Variants in KANSL1L observed in about 807,000 individuals in gnomAD.
The protein encoded by KANSL1L is KAT8 regulatory NSL complex subunit 1 like.
In KANSL1L, 25 loss-of-function variants were observed where a neutral mutation model predicts 108.6. The observed-to-expected ratio is 0.23, with a 90% CI of 0.17 to 0.32. KANSL1L has a LOEUF of 0.32. Ranked by LOEUF, KANSL1L falls within the 10% of genes least tolerant of loss-of-function variation. The probability of loss-of-function intolerance (pLI) is 1.00; values close to 1 mark genes in which losing one functional copy is unlikely to be tolerated. For missense variants in KANSL1L, 1,137 were observed against 1,125.7 expected (o/e 1.01, Z -0.14); for synonymous variants, 405 against 395.1 (o/e 1.03, Z -0.30).
At chr2:210,091,922 GA>G (rs1208576588) in intron 5 of KANSL1L, among the ~76,000 whole-genome samples, 1 of 152,070 alleles carries the variant, frequency 6.6e-6, no homozygotes, top group Non-Finnish European at 1.5e-5. Context: ...CTTGAAAGAT[GA>G]TTTCTCTGTG....
At chr2:210,085,983 C>G in intron 5 of KANSL1L, among the ~76,000 whole-genome samples, 1 of 151,114 alleles carries the variant, frequency 6.6e-6, no homozygotes. Flanking sequence ...CTGAAAACAT[C>G]AACTTAGAAT....
chr2:210,067,498 G>C (rs906591440), intron 6 of KANSL1L, among the ~76,000 whole-genome samples: 1 of 151,902 alleles, frequency 6.6e-6, no homozygotes, highest in African/African-American at 2.4e-5. Context: ...AGAAGTTTGA[G>C]ACCAGCCTGG....
intron 5 of KANSL1L, among the ~76,000 whole-genome samples, chr2:210,087,213 T>A (rs2094646397): frequency 1.3e-5 from 2 of 152,012 alleles, no homozygotes; most frequent in Non-Finnish European, 2.9e-5. Context: ...TTTGTAGACA[T>A]GGAGTCTTCC....
At position 210,044,627 on chromosome 2, in the gene KANSL1L, T is replaced by C. The variant is rs1322569828; in HGVS notation, c.1756-523A>G. Among the ~76,000 whole-genome samples, 1 of 152,002 alleles carries C rather than the reference T, an allele frequency of 6.6e-6. No homozygotes were observed. The highest frequency in any genetic ancestry group is 1.5e-5 in the Non-Finnish European group (1 of 67,980). The stretch of plus-strand genomic sequence containing the variant: ...GGGGGTATGGTTCTTTATCAGAATA[T>C]ATTCCTAGCTTGCCAAAAGAACTTG... On this transcript the variant is annotated intron_variant, in intron 6 of 14. Transcript: ENST00000281772. This position sits in a 1 kb window ranked among gnomAD's most constrained non-coding sequence, Gnocchi z 4.2.
At chr2:210,079,698 GTGTATA>G (rs2094574077) in intron 5 of KANSL1L, 2 of 22,202 alleles carry the variant, frequency 9.0e-5, no homozygotes, top group African/African-American at 1.2e-4. Flanking sequence ...ATATGTATGT[GTGTATA>G]TATATATATA....
chr2:210,084,212 A>C (rs1022336484), intron 5 of KANSL1L, among the ~76,000 whole-genome samples: 2 of 152,134 alleles, frequency 1.3e-5, no homozygotes, highest in African/African-American at 4.8e-5. Flanking sequence ...GCCTGAGGTC[A>C]GGAGTTCGAG....
chr2:210,103,181 G>A (rs1416598348), intron 4 of KANSL1L, among the ~76,000 whole-genome samples: 1 of 152,142 alleles, frequency 6.6e-6, no homozygotes, highest in African/African-American at 2.4e-5. Context: ...CATGGATGAA[G>A]CTGGTAACCA....
rs1248277075 is a variant in KANSL1L, at chr2:210,154,304, A to G, written c.279T>C (p.Asn93=). The change falls in exon 2 of 15, where the codon AAT becomes AAC. Residue 93 remains asparagine (N), a synonymous_variant. Transcript: ENST00000281772. ...CTAATTTCTTTTGTTTATAATTCTCATTGTGTTTATTTAATGTAGAATTAG... is the reference window on the plus strand; with the variant it reads ...CTAATTTCTTTTGTTTATAATTCTCGTTGTGTTTATTTAATGTAGAATTAG... ...MRSNSTLNKH[N]ENYKQKKLGE... is the part of the protein sequence containing the mutation. 3 of 1,612,682 alleles carry G rather than the reference A, an allele frequency of 1.9e-6. No homozygotes were observed. In the African/African-American group the frequency reaches 4.0e-5, roughly 22 times the overall value.
intron 1 of KANSL1L, among the ~76,000 whole-genome samples, chr2:210,168,955 A>G (rs971937965): frequency 2.6e-5 from 4 of 152,132 alleles, no homozygotes; most frequent in South Asian, 4.1e-4. Flanking sequence ...GCACTTTACA[A>G]TAAGTTAAAA....
At chr2:210,050,693 G>GA (rs1169870752) in intron 6 of KANSL1L, among the ~76,000 whole-genome samples, 2,616 of 53,330 alleles carry the variant, frequency 0.049, 71 homozygotes, top group African/African-American at 0.1. Context: ...CATCTCTACA[G>GA]AAAAAAAAAA....
intron 5 of KANSL1L, among the ~76,000 whole-genome samples, chr2:210,076,674 ATAT>A: frequency 6.6e-6 from 1 of 151,696 alleles, no homozygotes; most frequent in Admixed American, 6.6e-5. Flanking sequence ...TTTATTCTTT[ATAT>A]TATTTTTTAA....
chr2:210,153,721 T>C lies in KANSL1L; in HGVS notation c.862A>G (p.Lys288Glu). The part of the protein sequence containing the change: ...PTTILGNSLP[K>E]CTEIKPEVNT... ...ACTTCTGGCTTAATTTCAGTGCATT[T>C]AGGTAAACTATTACCCAAAATTGTG... The change falls in exon 2 of 15, where the codon AAA becomes GAA. Residue 288 changes from lysine (K) to glutamate (E), a missense_variant. Lys to Glu is a moderately conservative substitution (Grantham distance 56, BLOSUM62 1). This residue lies in a region of KANSL1L where 556 missense variants were observed against 537.7 expected (regional missense o/e 1.03). Transcript: ENST00000281772. 6.2e-7 allele frequency: 1 copy of C among 1,604,748 alleles called. No homozygotes were observed. Among genetic ancestry groups the C allele is most frequent in the Admixed American group, 1.7e-5 (1 of 58,282 alleles).
At chr2:210,133,325 T>A (rs1301562728) in intron 2 of KANSL1L, among the ~76,000 whole-genome samples, 1 of 152,162 alleles carries the variant, frequency 6.6e-6, no homozygotes, top group Non-Finnish European at 1.5e-5. Context: ...TCATATTTTT[T>A]ATTATTGCAT....
intron 10 of KANSL1L, 118 bp downstream of exon 10, chr2:210,029,685 A>G (rs2093988217): frequency 1.0e-5 from 5 of 480,534 alleles, no homozygotes; most frequent in Non-Finnish European, 1.8e-5. Context: ...ATAGTTATAA[A>G]TGTCTGTTAA....
intron 3 of KANSL1L, among the ~76,000 whole-genome samples, chr2:210,123,397 A>AT (rs1360696309): frequency 6.6e-6 from 1 of 152,160 alleles, no homozygotes; most frequent in African/African-American, 2.4e-5. Flanking sequence ...ATGGAACTGA[A>AT]GGTCATTATG....
At chr2:210,041,845 TTCATGAGTA>T (rs2125184720) in intron 7 of KANSL1L, among the ~76,000 whole-genome samples, 1 of 152,340 alleles carries the variant, frequency 6.6e-6, no homozygotes, top group Admixed American at 6.5e-5. Flanking sequence ...CAAAAATTAG[TTCATGAGTA>T]TCATCATGGA....
chr2:210,104,004 A>T (rs1482261799), intron 4 of KANSL1L, 100 bp downstream of exon 4: 3 of 902,880 alleles, frequency 3.3e-6, no homozygotes, highest in African/African-American at 1.7e-5. Context: ...TTAATAACAC[A>T]TATGCCAGGA....
chr2:210,111,583 T>A (rs1217543397), intron 3 of KANSL1L, among the ~76,000 whole-genome samples: 1 of 152,116 alleles, frequency 6.6e-6, no homozygotes, highest in African/African-American at 2.4e-5. Context: ...GAGTAGATAT[T>A]TGTCAAAATT....
chr2:210,079,672 G>GTATATATATATA (rs1343715938), intron 5 of KANSL1L: 1 of 25,502 alleles, frequency 3.9e-5, no homozygotes, highest in Non-Finnish European at 7.7e-5. Context: ...ATATGTATGT[G>GTATATATATATA]TGTATATATA....
Sources: allele counts gnomAD v4.1 joint callset (sites outside exome capture counted in the v4.1 genomes callset), GRCh38; gene constraint gnomAD v4.1.1; regional missense constraint gnomAD v4.1.1; non-coding constraint Gnocchi (gnomAD v3.1); transcripts MANE v1.5; gene names NCBI Gene and HGNC (gene_info 2026-07-23, HGNC 2026-07-21).